The following TMEM132D variants were observed in gnomAD, a reference collection of about 807,000 sequenced individuals.
TMEM132D encodes the protein transmembrane protein 132D.
Under a neutral mutation model 62.3 loss-of-function variants are expected in TMEM132D, and 21 were observed. The observed-to-expected ratio is 0.34, with a 90% CI of 0.24 to 0.49. The LOEUF (loss-of-function observed/expected upper bound fraction) is 0.49, where lower values mean the gene tolerates loss of function less well. TMEM132D is among the 20% of genes least tolerant of loss of function. The pLI, the probability that TMEM132D is intolerant of heterozygous loss-of-function variation, is 0.99. For synonymous variants in TMEM132D, 621 were observed against 575.6 expected (o/e 1.08, Z -1.13); for missense variants, 1,346 against 1,402.8 (o/e 0.96, Z 0.65).
chr12:129,224,394 A>G (rs1564593), intron 4 of TMEM132D, among the ~76,000 whole-genome samples: 3,038 of 152,250 alleles, frequency 0.02, 97 homozygotes, highest in African/African-American at 0.068. Flanking sequence ...TTAAATATAC[A>G]CATTTAAAAT....
chr12:129,787,031 G>A (rs527946871), intron 1 of TMEM132D, among the ~76,000 whole-genome samples: 7 of 152,270 alleles, frequency 4.6e-5, no homozygotes, highest in East Asian at 1.9e-4. Context: ...CAGGATCCCC[G>A]CTGGTGCAGT....
intron 4 of TMEM132D, among the ~76,000 whole-genome samples, chr12:129,298,315 T>C (rs940727198): frequency 6.6e-6 from 1 of 152,360 alleles, no homozygotes; most frequent in Non-Finnish European, 1.5e-5. Flanking sequence ...TTTTTAATGT[T>C]TTTTATTTTT....
chr12:129,226,450 C>G (rs1170656025), intron 4 of TMEM132D, among the ~76,000 whole-genome samples: 2 of 152,232 alleles, frequency 1.3e-5, no homozygotes, highest in Non-Finnish European at 2.9e-5. Context: ...TTGCCCCTGT[C>G]TGCCGCGGCA....
intron 2 of TMEM132D, among the ~76,000 whole-genome samples, chr12:129,544,804 G>A (rs1876686071): frequency 6.6e-6 from 1 of 152,186 alleles, no homozygotes; most frequent in Non-Finnish European, 1.5e-5. Context: ...TCCTCCTAGA[G>A]ATTAAAAGTA....
rs188854496 is a variant in TMEM132D at position 129,286,009 on chromosome 12, G to T, written c.1299+51625C>A. Among the ~76,000 whole-genome samples the T allele has an allele frequency of 1.6e-3, 240 of 152,304 alleles. 2 individuals are homozygous for T. Among genetic ancestry groups the T allele is most frequent in the Non-Finnish European group, 2.9e-3 (194 of 68,024 alleles). On this transcript the variant is annotated intron_variant, in intron 4 of 8. Transcript: ENST00000422113. The stretch of plus-strand genomic sequence containing the variant: ...TAAAAAAATATGCTATTAAATCCAT[G>T]ATTTTCTTCTTGCTAACAAGAAAGA...
rs1555221323 is a variant in TMEM132D at position 129,605,604 on chromosome 12, T to TAC, written c.969-74401_969-74400dup. ...ATTAGGCATTATATATATATATATA[T>TAC]ACACACACATATATATATACACACA... On this transcript the variant is annotated intron_variant, in intron 2 of 8. Transcript: ENST00000422113. 2.1e-3 allele frequency among the ~76,000 whole-genome samples: 220 copies of TAC among 106,240 alleles called. 8 individuals carry two copies. The highest frequency in any genetic ancestry group is 8.0e-3 in the African/African-American group (205 of 25,710). 69.7% of individuals were successfully genotyped at this position (106,240 alleles called of 152,430 possible).
At chr12:129,210,615 G>A (rs1879011018) in intron 4 of TMEM132D, among the ~76,000 whole-genome samples, 1 of 152,188 alleles carries the variant, frequency 6.6e-6, no homozygotes, top group Non-Finnish European at 1.5e-5. Context: ...AACAGTTGCT[G>A]TTTTACTTTT....
At chr12:129,702,425 T>G (rs970059489) in intron 1 of TMEM132D, among the ~76,000 whole-genome samples, 2 of 152,222 alleles carry the variant, frequency 1.3e-5, no homozygotes, top group East Asian at 3.8e-4. Flanking sequence ...TGATATTATC[T>G]CTAAACTTGT....
At chr12:129,538,693 A>G (rs1876482184) in intron 2 of TMEM132D, among the ~76,000 whole-genome samples, 1 of 152,272 alleles carries the variant, frequency 6.6e-6, no homozygotes, top group African/African-American at 2.4e-5. Context: ...GGTCTCTCTC[A>G]AAATACCTTC....
intron 2 of TMEM132D, among the ~76,000 whole-genome samples, chr12:129,679,567 TC>T (rs1880729295): frequency 3.3e-5 from 5 of 152,122 alleles, no homozygotes; most frequent in Admixed American, 3.3e-4. Context: ...ATTCTTTTAA[TC>T]CCTTTGCCTT....
chr12:129,569,774 G>T (rs1877460743), intron 2 of TMEM132D, among the ~76,000 whole-genome samples: 1 of 152,146 alleles, frequency 6.6e-6, no homozygotes. Flanking sequence ...ATGACTGGCT[G>T]CTGAGAACTG....
At chr12:129,378,952 G>A (rs1054827831) in intron 3 of TMEM132D, among the ~76,000 whole-genome samples, 4 of 152,132 alleles carry the variant, frequency 2.6e-5, no homozygotes, top group Non-Finnish European at 5.9e-5. Context: ...ATTTTGTCAG[G>A]AGGTTATCAC....
At chr12:129,520,956 C>T (rs1158494113) in intron 3 of TMEM132D, among the ~76,000 whole-genome samples, 1 of 152,214 alleles carries the variant, frequency 6.6e-6, no homozygotes, top group Non-Finnish European at 1.5e-5. Flanking sequence ...GTTTCCCAGA[C>T]TTTGAGAGTT....
intron 2 of TMEM132D, among the ~76,000 whole-genome samples, chr12:129,590,862 T>C (rs562674064): frequency 6.6e-6 from 1 of 152,206 alleles, no homozygotes; most frequent in South Asian, 2.1e-4. Flanking sequence ...ATGGTCCAAT[T>C]TGAAAATTGC....
At chr12:129,729,231 C>A (rs1869137514) in intron 1 of TMEM132D, among the ~76,000 whole-genome samples, 1 of 152,170 alleles carries the variant, frequency 6.6e-6, no homozygotes, top group Non-Finnish European at 1.5e-5. Flanking sequence ...ATCTCTGGAC[C>A]ATAGAGTCAC....
chr12:129,226,097 G>A (rs1482293), intron 4 of TMEM132D, among the ~76,000 whole-genome samples: 6 of 152,144 alleles, frequency 3.9e-5, no homozygotes, highest in East Asian at 3.9e-4. Flanking sequence ...TGTTGATTGC[G>A]TGTTATTTTC....
At chr12:129,301,304 T>C (rs1881707646) in intron 4 of TMEM132D, among the ~76,000 whole-genome samples, 1 of 152,034 alleles carries the variant, frequency 6.6e-6, no homozygotes, top group Non-Finnish European at 1.5e-5. Flanking sequence ...AATGTCTGAA[T>C]CCCCCTTCAG....
chr12:129,801,415 C>T (rs1279973937), intron 1 of TMEM132D, among the ~76,000 whole-genome samples: 2 of 151,700 alleles, frequency 1.3e-5, no homozygotes, highest in Non-Finnish European at 2.9e-5. Context: ...GAGGCACCCC[C>T]CAGCAGGGGC....
intron 5 of TMEM132D, among the ~76,000 whole-genome samples, chr12:129,113,891 A>G (rs376045998): frequency 9.2e-5 from 14 of 152,192 alleles, no homozygotes; most frequent in African/African-American, 3.1e-4. Flanking sequence ...AAGAGTTTCC[A>G]GCAGGTAGAT....
Sources: allele counts gnomAD v4.1 joint callset (sites outside exome capture counted in the v4.1 genomes callset), GRCh38; gene constraint gnomAD v4.1.1; transcripts MANE v1.5; gene names NCBI Gene and HGNC (gene_info 2026-07-23, HGNC 2026-07-21).